The following BCAS3 variants were observed in gnomAD, a reference collection of about 807,000 sequenced individuals.
BCAS3 encodes the protein BCAS3 microtubule associated cell migration factor.
A neutral mutation model predicts 116.1 loss-of-function variants in BCAS3; 53 were observed. The observed-to-expected ratio is 0.46, with a 90% CI of 0.37 to 0.57. The LOEUF is 0.57. Among genes scored for constraint, BCAS3 ranks in the 20% least tolerant of loss-of-function variants. The pLI is 0.00. For missense variants in BCAS3, 917 were observed against 1,165.4 expected, an observed-to-expected ratio of 0.79 and a Z score of 3.10; for synonymous variants, 391 against 408.2, an observed-to-expected ratio of 0.96 and a Z score of 0.51.
chr17:60,839,028 G>A (rs949023197), intron 7 of BCAS3, among the ~76,000 whole-genome samples: 4 of 152,118 alleles, frequency 2.6e-5, no homozygotes, highest in Non-Finnish European at 1.5e-5. Flanking sequence ...GGGCGTAGTA[G>A]AAAATAGTAT....
intron 6 of BCAS3, among the ~76,000 whole-genome samples, chr17:60,769,726 A>G (rs922512612): frequency 2.6e-5 from 4 of 152,030 alleles, no homozygotes; most frequent in African/African-American, 9.7e-5. Flanking sequence ...TCCTTGGCCC[A>G]GTGGCCTCAG....
rs1221992353 is a variant in BCAS3, at chr17:61,045,943, T to TTA, written c.2029+5060_2029+5061dup. ...TATATAATATATATAAATATATATA[T>TTA]TATATATATAAATATATATATAATA... On this transcript the variant is annotated intron_variant, in intron 19 of 23. Coordinates refer to ENST00000407086, the MANE Select transcript of BCAS3 (RefSeq NM_017679.5). Among the ~76,000 whole-genome samples, 93 of 16,630 alleles carry TTA rather than the reference T, an allele frequency of 5.6e-3. 3 individuals carry two copies. Among genetic ancestry groups the TTA allele is most frequent in the East Asian group, 7.5e-3 (2 of 268 alleles). 10.9% of individuals were successfully genotyped at this position (16,630 alleles called of 152,430 possible). A position where few individuals can be genotyped will look rare whatever the true frequency, so the allele number is the denominator to read the frequency against.
chr17:61,034,507 A>C lies in BCAS3; in HGVS notation c.1638-159A>C. On this transcript the variant is annotated intron_variant, in intron 16 of 23. Coordinates refer to ENST00000407086, the MANE Select transcript of BCAS3 (RefSeq NM_017679.5). The surrounding 1 kb of genome is among the most constrained non-coding windows in gnomAD (Gnocchi z 5.0). ...TTTGAAATAATTCTACTTTTACTCC[A>C]GAACATAGTCTCACATCACCATTTA... 1 of 581,736 alleles carries C rather than the reference A, an allele frequency of 1.7e-6. No homozygotes were observed. Among genetic ancestry groups the C allele is most frequent in the South Asian group, 2.9e-5 (1 of 34,244 alleles). 36.0% of individuals were successfully genotyped at this position (581,736 alleles called of 1,614,324 possible). A position where few individuals can be genotyped will look rare whatever the true frequency, so the allele number is the denominator to read the frequency against.
At chr17:61,267,724 GA>G (rs969764232) in intron 22 of BCAS3, among the ~76,000 whole-genome samples, 42 of 116,920 alleles carry the variant, frequency 3.6e-4, no homozygotes, top group Non-Finnish European at 3.9e-4. Context: ...TCCGTCTCCA[GA>G]AAAAAAAAAA....
intron 4 of BCAS3, among the ~76,000 whole-genome samples, chr17:60,704,569 A>C (rs1174534388): frequency 1.3e-5 from 2 of 152,084 alleles, no homozygotes; most frequent in Admixed American, 6.6e-5. Flanking sequence ...GGCTGGGTGC[A>C]GTGCTTCACG....
At chr17:60,875,016 A>G (rs1484565175) in intron 9 of BCAS3, among the ~76,000 whole-genome samples, 4 of 152,112 alleles carry the variant, frequency 2.6e-5, no homozygotes, top group Non-Finnish European at 4.4e-5. Context: ...TTAGTTTCAT[A>G]TAGCTGTTTC....
At position 61,034,114 on chromosome 17, in the gene BCAS3, ACTGT is replaced by A. The variant is rs1322820733; in HGVS notation, c.1638-549_1638-546del. Among the ~76,000 whole-genome samples the A allele has an allele frequency of 2.2e-4, 33 of 152,324 alleles. No individual in the cohort carries two copies. Among genetic ancestry groups the A allele is most frequent in the African/African-American group, 7.7e-4 (32 of 41,580 alleles). On this transcript the variant is annotated intron_variant, in intron 16 of 23. Coordinates refer to ENST00000407086, the MANE Select transcript of BCAS3 (RefSeq NM_017679.5). The surrounding 1 kb of genome is among the most constrained non-coding windows in gnomAD (Gnocchi z 5.0). ...AGATGATTAGCTATTCTTCCCTTGC[ACTGT>A]CTAACTCTCCATAGCATTGTGGCCG...
At chr17:61,168,214 C>A (rs1368243137) in intron 22 of BCAS3, among the ~76,000 whole-genome samples, 1 of 151,872 alleles carries the variant, frequency 6.6e-6, no homozygotes, top group East Asian at 1.9e-4. Context: ...TTTTTTCTAC[C>A]CTTCCACAAT....
intron 5 of BCAS3, among the ~76,000 whole-genome samples, chr17:60,715,205 C>T (rs901950011): frequency 6.8e-6 from 1 of 147,100 alleles, no homozygotes; most frequent in African/African-American, 2.5e-5. Flanking sequence ...ATGATCCTGG[C>T]TCACTGCAGC....
chr17:60,723,709 T>C (rs2039491664), intron 5 of BCAS3, among the ~76,000 whole-genome samples: 1 of 145,860 alleles, frequency 6.9e-6, no homozygotes, highest in Non-Finnish European at 1.5e-5. Flanking sequence ...TTCACTTTCT[T>C]TCTTTTTTTT....
chr17:60,947,996 A>G (rs2060612204), intron 14 of BCAS3, among the ~76,000 whole-genome samples: 1 of 152,210 alleles, frequency 6.6e-6, no homozygotes, highest in Non-Finnish European at 1.5e-5. Flanking sequence ...GTACACGTGC[A>G]TGGGTACACA....
At chr17:61,312,306 C>T (rs1196943252) in intron 22 of BCAS3, among the ~76,000 whole-genome samples, 1 of 152,162 alleles carries the variant, frequency 6.6e-6, no homozygotes, top group Non-Finnish European at 1.5e-5. Flanking sequence ...AGGGTGTCAG[C>T]TCAGAGGGGC....
chr17:61,147,816 A>G (rs898911545), intron 22 of BCAS3, among the ~76,000 whole-genome samples: 74 of 152,020 alleles, frequency 4.9e-4, no homozygotes, highest in Non-Finnish European at 9.3e-4. Flanking sequence ...GAGAAACCCC[A>G]TCTCTACTAA....
rs1471073672 is a variant in BCAS3 at position 61,141,832 on chromosome 17, C to T, written c.2425+57268C>T. Among the ~76,000 whole-genome samples the T allele has an allele frequency of 1.4e-5, 2 of 145,046 alleles. No individual in the cohort carries two copies. The highest frequency in any genetic ancestry group is 3.0e-5 in the Non-Finnish European group (2 of 66,878). ...AGGAGAATCGCTTGAACCCAGGAGGCGGAGGTTGCAGTGAGCCGAGATCGC... is the reference window on the plus strand; with the variant it reads ...AGGAGAATCGCTTGAACCCAGGAGGTGGAGGTTGCAGTGAGCCGAGATCGC... On this transcript the variant is annotated intron_variant, in intron 22 of 23. Coordinates refer to ENST00000407086, the MANE Select transcript of BCAS3 (RefSeq NM_017679.5). The surrounding 1 kb of genome is among the most constrained non-coding windows in gnomAD (Gnocchi z 4.3).
chr17:61,095,569 T>A lies in BCAS3; in HGVS notation c.2425+11005T>A, dbSNP rs1029030201. Among the ~76,000 whole-genome samples the A allele has an allele frequency of 3.3e-5, 5 of 151,934 alleles. No individual in the cohort carries two copies. The highest frequency in any genetic ancestry group is 1.2e-4 in the African/African-American group (5 of 41,358). On this transcript the variant is annotated intron_variant, in intron 22 of 23. Coordinates refer to ENST00000407086, the MANE Select transcript of BCAS3 (RefSeq NM_017679.5). The surrounding 1 kb of genome is among the most constrained non-coding windows in gnomAD (Gnocchi z 4.7). ...TGCAACCTCTGCCTCCAGGTTCAAG[T>A]GCTTCTCCTGCCTCAGCCTCCCGAG... is the stretch of plus-strand genomic sequence containing the variant.
In BCAS3 at chr17:61,325,971, T is replaced by C. The variant is rs2055697457; in HGVS notation, c.2426-42356T>C. ...GCAGAGAACAGAGTGAAAAATCGTG[T>C]TGTCATACATTACTAAGCACCCACC... On this transcript the variant is annotated intron_variant, in intron 22 of 23. Transcript: ENST00000407086. The surrounding 1 kb of genome is among the most constrained non-coding windows in gnomAD (Gnocchi z 6.4). Among the ~76,000 whole-genome samples, 1 of 152,200 alleles carries C rather than the reference T, an allele frequency of 6.6e-6. No individual in the cohort carries two copies. Among genetic ancestry groups the C allele is most frequent in the Non-Finnish European group, 1.5e-5 (1 of 68,028 alleles).
At chr17:61,329,205 G>T (rs190852934) in intron 22 of BCAS3, among the ~76,000 whole-genome samples, 8 of 151,456 alleles carry the variant, frequency 5.3e-5, no homozygotes, top group African/African-American at 1.7e-4. Flanking sequence ...TTTTTCTAAG[G>T]GCACCGATCC....
chr17:60,947,212 C>G lies in BCAS3; in HGVS notation c.1088-7C>G, dbSNP rs773947483. 6.2e-7 allele frequency: 1 copy of G among 1,604,538 alleles called. No individual in the cohort carries two copies. Among genetic ancestry groups the G allele is most frequent in the Non-Finnish European group, 8.5e-7 (1 of 1,175,242 alleles). On this transcript the variant is annotated splice_region_variant and splice_polypyrimidine_tract_variant and intron_variant, in intron 13 of 23. Transcript: ENST00000407086. The stretch of plus-strand genomic sequence containing the variant: ...TTTATTTTTACCCTTTGTTTTTTGT[C>G]TTCCAGGAATGCTTCTAGTCACAAC...
intron 22 of BCAS3, among the ~76,000 whole-genome samples, chr17:61,218,416 G>T (rs898439884): frequency 6.6e-6 from 1 of 152,216 alleles, no homozygotes; most frequent in Non-Finnish European, 1.5e-5. Flanking sequence ...ACTCTGAGAC[G>T]TACATGCTGT....
Sources: allele counts gnomAD v4.1 joint callset (sites outside exome capture counted in the v4.1 genomes callset), GRCh38; gene constraint gnomAD v4.1.1; non-coding constraint Gnocchi (gnomAD v3.1); transcripts MANE v1.5; gene names NCBI Gene and HGNC (gene_info 2026-07-23, HGNC 2026-07-21).